KLF12: variants seen among roughly 807,000 people sequenced by gnomAD.
KLF12 encodes KLF transcription factor 12.
In KLF12, 9 loss-of-function variants were observed where a neutral mutation model predicts 37.8. That is an observed-to-expected ratio of 0.24 (90% CI 0.14 to 0.42). KLF12 has a LOEUF of 0.42. Among genes scored for constraint, KLF12 ranks in the 10% least tolerant of loss-of-function variants. The pLI is 1.00. For missense variants in KLF12, 411 were observed against 516.0 expected, an observed-to-expected ratio of 0.80 and a Z score of 1.97; for synonymous variants, 208 against 202.1, an observed-to-expected ratio of 1.03 and a Z score of -0.25.
At chr13:74,205,380 T>C in the KLF12 span, among the ~76,000 whole-genome samples, 1 of 152,150 alleles carries the variant, frequency 6.6e-6, no homozygotes, top group Admixed American at 6.6e-5. Flanking sequence ...ACTGGCATCT[T>C]TTCTCTGAGA....
intron 4 of KLF12, among the ~76,000 whole-genome samples, chr13:73,818,306 G>A (rs907501876): frequency 2.6e-5 from 4 of 152,262 alleles, no homozygotes; most frequent in African/African-American, 4.8e-5. Context: ...CCACTGCGCC[G>A]GCCGAACACT....
intron 6 of KLF12, among the ~76,000 whole-genome samples, chr13:73,746,078 A>C (rs1357901083): frequency 6.6e-6 from 1 of 152,124 alleles, no homozygotes; most frequent in East Asian, 1.9e-4. Context: ...CAAAAAAAAA[A>C]AAAAACTGTG....
chr13:74,228,381 A>G, the KLF12 span, among the ~76,000 whole-genome samples: 2 of 152,172 alleles, frequency 1.3e-5, no homozygotes, highest in African/African-American at 4.8e-5. Flanking sequence ...TTAAAATAAT[A>G]GGTTCTATAT....
chr13:73,932,855 T>C (rs1889750407), intron 3 of KLF12, among the ~76,000 whole-genome samples: 1 of 152,200 alleles, frequency 6.6e-6, no homozygotes, highest in South Asian at 2.1e-4. Flanking sequence ...ACAAAAACTT[T>C]TCACAAGATC....
intron 1 of KLF12, among the ~76,000 whole-genome samples, chr13:74,068,287 A>G (rs1874032599): frequency 6.6e-6 from 1 of 152,234 alleles, no homozygotes; most frequent in African/African-American, 2.4e-5. Context: ...CAGCTACTAT[A>G]ACAATTTTTT....
chr13:73,922,087 T>A (rs376082959), intron 3 of KLF12, among the ~76,000 whole-genome samples: 5 of 152,120 alleles, frequency 3.3e-5, no homozygotes, highest in African/African-American at 1.2e-4. Context: ...TGTTTTGGTA[T>A]CTAGTTTGCA....
intron 5 of KLF12, among the ~76,000 whole-genome samples, chr13:73,792,417 G>C (rs2138277026): frequency 6.6e-6 from 1 of 152,100 alleles, no homozygotes; most frequent in East Asian, 1.9e-4. Context: ...AATTTATCTT[G>C]CATTTTGTTT....
intron 3 of KLF12, among the ~76,000 whole-genome samples, chr13:73,940,048 C>A (rs1266337607): frequency 2.0e-5 from 3 of 152,156 alleles, no homozygotes; most frequent in Non-Finnish European, 4.4e-5. Flanking sequence ...AGCTGGTGAA[C>A]TGCAGGGCCA....
intron 2 of KLF12, among the ~76,000 whole-genome samples, chr13:73,972,904 T>C (rs577357490): frequency 1.3e-5 from 2 of 152,092 alleles, no homozygotes; most frequent in African/African-American, 2.4e-5. Flanking sequence ...CTGGGCATGA[T>C]GGTTTCATGC....
At chr13:73,770,068 A>G (rs1880172994) in intron 5 of KLF12, among the ~76,000 whole-genome samples, 1 of 152,226 alleles carries the variant, frequency 6.6e-6, no homozygotes, top group East Asian at 1.9e-4. Context: ...GCAAAGCATT[A>G]AACATAATAC....
chr13:73,961,470 A>G (rs1891019189), intron 2 of KLF12, among the ~76,000 whole-genome samples: 1 of 152,150 alleles, frequency 6.6e-6, no homozygotes. Context: ...ACACAGAGAA[A>G]CAGAACTTAC....
rs371656708 is a variant in KLF12, at chr13:74,096,741, T to A, written c.-32+36998A>T. ...AGAAAAAAATTACCTTCTAGTATCA[T>A]TGAATATCACAATGAAATGAGAAGG... On this transcript the variant is annotated intron_variant, in intron 1 of 7. Transcript: ENST00000377669. Among the ~76,000 whole-genome samples the A allele has an allele frequency of 1.6e-4, 25 of 152,294 alleles. 2 individuals are homozygous for A. The South Asian group carries it at 5.0e-3, about 30-fold the overall frequency.
At chr13:73,729,388 G>A (rs1165059588) in intron 6 of KLF12, among the ~76,000 whole-genome samples, 2 of 152,162 alleles carry the variant, frequency 1.3e-5, no homozygotes, top group East Asian at 3.8e-4. Flanking sequence ...ATACTGCATG[G>A]TATAATAATG....
At chr13:74,239,247 C>T in the KLF12 span, among the ~76,000 whole-genome samples, 2 of 151,878 alleles carry the variant, frequency 1.3e-5, no homozygotes, top group South Asian at 2.1e-4. Context: ...GTAGTTGAGC[C>T]GTTTTGAGTG....
intron 3 of KLF12, among the ~76,000 whole-genome samples, chr13:73,905,781 A>G (rs931527264): frequency 2.0e-5 from 3 of 152,154 alleles, no homozygotes; most frequent in Non-Finnish European, 4.4e-5. Context: ...AAGTTTTTAA[A>G]TGTTCATGAG....
At chr13:73,964,107 A>C in intron 2 of KLF12, among the ~76,000 whole-genome samples, 1 of 152,178 alleles carries the variant, frequency 6.6e-6, no homozygotes, top group East Asian at 1.9e-4. Flanking sequence ...ATTGTGACAA[A>C]TGTCTAATTT....
chr13:73,852,745 C>T (rs1253733778), intron 3 of KLF12, among the ~76,000 whole-genome samples: 1 of 151,784 alleles, frequency 6.6e-6, no homozygotes, highest in Non-Finnish European at 1.5e-5. Context: ...CCACTGCACT[C>T]CAGCCTGGGT....
At chr13:73,923,970 A>C (rs1282214032) in intron 3 of KLF12, among the ~76,000 whole-genome samples, 1 of 152,200 alleles carries the variant, frequency 6.6e-6, no homozygotes, top group Non-Finnish European at 1.5e-5. Context: ...ATGATACTAC[A>C]TGTGGGTAAA....
rs111671560 is a variant in KLF12, at chr13:73,687,770, C to T, written c.*7720G>A. The T allele has an allele frequency of 2.0e-5, 3 of 152,152 alleles. No homozygotes were observed. Among genetic ancestry groups the T allele is most frequent in the Non-Finnish European group, 4.4e-5 (3 of 68,034 alleles). The allele number at this position is 152,152 out of a possible 1,614,324, so 9.4% of individuals were successfully genotyped here. On this transcript the variant is annotated 3_prime_UTR_variant, in exon 8 of 8. Transcript: ENST00000377669. ...GATGAACCTGCTTTGGAAGAAGATG[C>T]AATAATTCACACAAGGAGTCCATTC...
Sources: gnomAD v4.1 joint callset for allele counts (sites outside exome capture counted in the v4.1 genomes callset) on GRCh38, gnomAD v4.1.1 for gene constraint, MANE v1.5 for transcripts, NCBI Gene and HGNC (gene_info 2026-07-23, HGNC 2026-07-21) for gene names.